The following CHD5 variants were observed in gnomAD, a reference collection of about 807,000 sequenced individuals.
CHD5 encodes the protein chromodomain helicase DNA binding protein 5.
Under a neutral mutation model 230.3 loss-of-function variants are expected in CHD5, and 69 were observed. That is an observed-to-expected ratio of 0.30 (90% CI 0.25 to 0.37). CHD5 has a LOEUF of 0.37. Ranked by LOEUF, CHD5 falls within the 10% of genes least tolerant of loss-of-function variation. The pLI, the probability that CHD5 is intolerant of heterozygous loss-of-function variation, is 1.00. For missense variants in CHD5, 1,827 were observed against 2,622.8 expected (o/e 0.70, Z 6.63); for synonymous variants, 1,064 against 1,065.9 (o/e 1.00, Z 0.03).
At chr1:6,165,693 G>A (rs1287153234) in intron 2 of CHD5, among the ~76,000 whole-genome samples, 1 of 152,040 alleles carries the variant, frequency 6.6e-6, no homozygotes, top group Non-Finnish European at 1.5e-5. Flanking sequence ...CCAGCACAAA[G>A]ACCGACCTCT....
At chr1:6,165,719 C>A (rs1353936173) in intron 2 of CHD5, among the ~76,000 whole-genome samples, 1 of 152,008 alleles carries the variant, frequency 6.6e-6, no homozygotes, top group African/African-American at 2.4e-5. Flanking sequence ...CAGGGGACAG[C>A]GGCCACAGCA....
In CHD5 at chr1:6,131,567, C is replaced by T; in HGVS notation, c.3262+64G>A. On this transcript the variant is annotated intron_variant, in intron 21 of 41. Transcript: ENST00000262450. This position sits in a 1 kb window ranked among gnomAD's most constrained non-coding sequence, Gnocchi z 5.0. ...ACCAGCTGGGTGACCTGGCTAAGAA[C>T]CAGGCCTGGGAGAAGAGGCCAAAAA... 1.0e-6 allele frequency: 1 copy of T among 962,914 alleles called. No homozygotes were observed. The highest frequency in any genetic ancestry group is 1.7e-6 in the Non-Finnish European group (1 of 600,774). The allele number at this position is 962,914 out of a possible 1,614,324, so 59.6% of individuals were successfully genotyped here. A position where few individuals can be genotyped will look rare whatever the true frequency, so the allele number is the denominator to read the frequency against.
chr1:6,175,681 AATGG>A (rs545057422), intron 1 of CHD5, among the ~76,000 whole-genome samples: 104 of 147,826 alleles, frequency 7.0e-4, no homozygotes, highest in Admixed American at 2.3e-3. Context: ...AACAAGAACA[AATGG>A]ATGGATGGAT....
At chr1:6,164,916 A>G (rs1667229097) in intron 2 of CHD5, among the ~76,000 whole-genome samples, 1 of 152,098 alleles carries the variant, frequency 6.6e-6, no homozygotes, top group African/African-American at 2.4e-5. Context: ...GAAGAGAGAA[A>G]AGACGGCAAA....
Position 6,152,402 on chromosome 1 carries a change from A to G in CHD5, c.870+10T>C. The G allele has an allele frequency of 1.9e-6, 3 of 1,612,066 alleles. No homozygotes were observed. Among genetic ancestry groups the G allele is most frequent in the South Asian group, 2.2e-5 (2 of 90,876 alleles). Reference sequence around the variant, plus strand: ...AATGCACACACACGCGCACACACGCACACACTCACCGAGGAGCCTTTCTTC... The same window carrying G: ...AATGCACACACACGCGCACACACGCGCACACTCACCGAGGAGCCTTTCTTC... On this transcript the variant is annotated intron_variant, in intron 6 of 41. Coordinates refer to ENST00000262450, the MANE Select transcript of CHD5 (RefSeq NM_015557.3).
At position 6,111,917 on chromosome 1, in the gene CHD5, G is replaced by A. The variant is rs749859550; in HGVS notation, c.5141-34C>T. The A allele has an allele frequency of 4.4e-6, 7 of 1,586,184 alleles. No homozygotes were observed. The Admixed American group carries it at 8.4e-5, about 19-fold the overall frequency. The stretch of plus-strand genomic sequence containing the variant: ...CAAGCCAAGGTGAGCAGGGTGAGAA[G>A]TGCCCCAGCTCTCACGCACAGGCAG... On this transcript the variant is annotated intron_variant, in intron 35 of 41. Transcript: ENST00000262450.
At chr1:6,116,124 G>A (rs12040670) in intron 33 of CHD5, among the ~76,000 whole-genome samples, 13,815 of 152,192 alleles carry the variant, frequency 0.091, 971 homozygotes, top group East Asian at 0.39. Context: ...GTTTATTGTG[G>A]ATTGCCTGTG....
At position 6,131,759 on chromosome 1, in the gene CHD5, G is replaced by A. The variant is rs1666660701; in HGVS notation, c.3145-11C>T. ...CAGCATCTTGGTCATCTGCAGGGGA[G>A]ACGGGCACGTGAGGAACTGCCAAGG... On this transcript the variant is annotated splice_polypyrimidine_tract_variant and intron_variant, in intron 20 of 41. Transcript: ENST00000262450. The surrounding 1 kb of genome is among the most constrained non-coding windows in gnomAD (Gnocchi z 5.0). The A allele has an allele frequency of 6.3e-7, 1 of 1,577,434 alleles. No homozygotes were observed. The highest frequency in any genetic ancestry group is 1.1e-5 in the South Asian group (1 of 90,032).
chr1:6,116,667 A>G (rs1666382906), intron 33 of CHD5, among the ~76,000 whole-genome samples: 1 of 152,248 alleles, frequency 6.6e-6, no homozygotes, highest in African/African-American at 2.4e-5. Context: ...AAAAGGAAGA[A>G]TATCTGCAAA....
intron 33 of CHD5, among the ~76,000 whole-genome samples, chr1:6,115,631 C>G (rs561770968): frequency 6.6e-6 from 1 of 152,312 alleles, no homozygotes; most frequent in African/African-American, 2.4e-5. Context: ...CAGCTGACAG[C>G]CAGCAAGGAA....
At chr1:6,171,185 A>G (rs955947200) in intron 1 of CHD5, among the ~76,000 whole-genome samples, 1 of 152,182 alleles carries the variant, frequency 6.6e-6, no homozygotes, top group Non-Finnish European at 1.5e-5. Flanking sequence ...GAAGTTCTGG[A>G]AGGAAGTCTG....
In CHD5 at chr1:6,129,839, C is replaced by A. The variant is rs1354238402; in HGVS notation, c.3387+365G>T. 2.6e-5 allele frequency among the ~76,000 whole-genome samples: 4 copies of A among 152,090 alleles called. No individual in the cohort carries two copies. The East Asian group carries it at 7.7e-4, about 29-fold the overall frequency. On this transcript the variant is annotated intron_variant, in intron 22 of 41. Coordinates refer to ENST00000262450, the MANE Select transcript of CHD5 (RefSeq NM_015557.3). The surrounding 1 kb of genome is among the most constrained non-coding windows in gnomAD (Gnocchi z 6.8). ...CCCACTCTCTGCTCCCCACCCCCTT[C>A]AAAATGGGTGCCCCTCTGGGTCCCA...
chr1:6,132,374 A>G (rs1383165311), intron 20 of CHD5, among the ~76,000 whole-genome samples: 2 of 152,138 alleles, frequency 1.3e-5, no homozygotes, highest in Non-Finnish European at 2.9e-5. Context: ...GGCTGCCCTT[A>G]TTTTGTAGGT....
In CHD5 at chr1:6,105,096, C is replaced by G; in HGVS notation, c.*378G>C. ...GTGCTGCAGGTTCGAATCTTCCATACGTCATCCAACTTTTATCAAGACAAA... is the reference window on the plus strand; with the variant it reads ...GTGCTGCAGGTTCGAATCTTCCATAGGTCATCCAACTTTTATCAAGACAAA... On this transcript the variant is annotated 3_prime_UTR_variant, in exon 42 of 42. Transcript: ENST00000262450. This position sits in a 1 kb window ranked among gnomAD's most constrained non-coding sequence, Gnocchi z 4.8. 6.1e-6 allele frequency: 2 copies of G among 328,618 alleles called. No homozygotes were observed. The highest frequency in any genetic ancestry group is 1.2e-5 in the Non-Finnish European group (2 of 168,580). The allele number at this position is 328,618 out of a possible 1,614,324, so 20.4% of individuals were successfully genotyped here.
chr1:6,166,636 C>A (rs1667259271), intron 2 of CHD5, among the ~76,000 whole-genome samples: 1 of 152,088 alleles, frequency 6.6e-6, no homozygotes, highest in South Asian at 2.1e-4. Flanking sequence ...GACACCCAGA[C>A]CAGAAAAGGA....
Position 6,106,523 on chromosome 1 carries a change from C to T in CHD5, c.5743-14G>A. On this transcript the variant is annotated splice_polypyrimidine_tract_variant and intron_variant, in intron 39 of 41. Transcript: ENST00000262450. ...GCCGAAAGCGCCCTGGAGGCAAGGA[C>T]TCAGCTTCACAGGTGGTCTCAGGCC... 2 of 1,551,010 alleles carry T rather than the reference C, an allele frequency of 1.3e-6. No homozygotes were observed. Among genetic ancestry groups the T allele is most frequent in the Non-Finnish European group, 8.7e-7 (1 of 1,147,250 alleles).
intron 2 of CHD5, among the ~76,000 whole-genome samples, chr1:6,161,350 G>A (rs1667175141): frequency 6.6e-6 from 1 of 152,088 alleles, no homozygotes; most frequent in Non-Finnish European, 1.5e-5. Context: ...GGAGGTGGGG[G>A]CCCCCTCTGA....
At chr1:6,143,510 AC>A (rs1391169476) in intron 13 of CHD5, among the ~76,000 whole-genome samples, 2 of 152,008 alleles carry the variant, frequency 1.3e-5, no homozygotes, top group Non-Finnish European at 2.9e-5. Flanking sequence ...TGAAACAGCT[AC>A]CCAGGGCTCA....
intron 1 of CHD5, among the ~76,000 whole-genome samples, chr1:6,174,526 T>A (rs1388882274): frequency 1.4e-5 from 2 of 146,148 alleles, no homozygotes; most frequent in Non-Finnish European, 3.0e-5. Flanking sequence ...GATGGATGGA[T>A]GGATGGATGG....
Sources: gnomAD v4.1 joint callset for allele counts (sites outside exome capture counted in the v4.1 genomes callset) on GRCh38, gnomAD v4.1.1 for gene constraint, Gnocchi (gnomAD v3.1) non-coding constraint, MANE v1.5 for transcripts, NCBI Gene and HGNC (gene_info 2026-07-23, HGNC 2026-07-21) for gene names.